Variants in TBC1D5 observed in about 807,000 individuals in gnomAD.
The protein encoded by TBC1D5 is TBC1 domain family, member 5.
Under a neutral mutation model 100.3 loss-of-function variants are expected in TBC1D5, and 75 were observed. The ratio of observed to expected loss-of-function variants is 0.75; its 90% CI spans 0.62 to 0.91. TBC1D5 has a LOEUF of 0.91. TBC1D5 is among the 40% of genes least tolerant of loss of function. The probability of loss-of-function intolerance (pLI) is 0.00; values close to 1 mark genes in which losing one functional copy is unlikely to be tolerated. For missense variants in TBC1D5, 910 were observed against 942.4 expected, an observed-to-expected ratio of 0.97 and a Z score of 0.45; for synonymous variants, 323 against 325.6, an observed-to-expected ratio of 0.99 and a Z score of 0.09.
chr3:17,542,530 A>G (rs1440326367), intron 2 of TBC1D5, among the ~76,000 whole-genome samples: 1 of 152,202 alleles, frequency 6.6e-6, no homozygotes, highest in Non-Finnish European at 1.5e-5. Context: ...TATCATATAT[A>G]ATATTTGCAT....
At chr3:17,500,704 C>A (rs575056851) in intron 3 of TBC1D5, among the ~76,000 whole-genome samples, 1 of 149,696 alleles carries the variant, frequency 6.7e-6, no homozygotes, top group East Asian at 1.9e-4. Flanking sequence ...TGACTTTCCC[C>A]TACTTTGATT....
At chr3:17,634,826 T>C (rs117086754) in intron 1 of TBC1D5, among the ~76,000 whole-genome samples, 2,499 of 152,222 alleles carry the variant, frequency 0.016, 48 homozygotes, top group South Asian at 0.047. Flanking sequence ...TATATCAAAA[T>C]ATCCCATGTA....
chr3:17,436,409 T>A (rs73161441), intron 3 of TBC1D5, among the ~76,000 whole-genome samples: 13,876 of 152,166 alleles, frequency 0.091, 1,428 homozygotes, highest in African/African-American at 0.26. Flanking sequence ...CTAGTAGAGG[T>A]ATAAAAGTAA....
At chr3:17,196,511 G>A (rs1003865448) in intron 18 of TBC1D5, among the ~76,000 whole-genome samples, 1 of 152,206 alleles carries the variant, frequency 6.6e-6, no homozygotes, top group Admixed American at 6.5e-5. Context: ...CTAATGATAA[G>A]GCTGAACAGG....
intron 3 of TBC1D5, among the ~76,000 whole-genome samples, chr3:17,461,008 C>G (rs1174933536): frequency 6.6e-6 from 1 of 152,082 alleles, no homozygotes; most frequent in Non-Finnish European, 1.5e-5. Flanking sequence ...TGTGGTTGAT[C>G]CACAGAACAG....
chr3:17,386,825 T>C (rs2093171992), intron 8 of TBC1D5, among the ~76,000 whole-genome samples: 1 of 152,164 alleles, frequency 6.6e-6, no homozygotes, highest in African/African-American at 2.4e-5. Context: ...AGTTTTTCTT[T>C]TAACACACTG....
intron 15 of TBC1D5, among the ~76,000 whole-genome samples, chr3:17,275,328 G>A (rs1333409961): frequency 2.0e-5 from 3 of 152,104 alleles, no homozygotes; most frequent in Non-Finnish European, 4.4e-5. Flanking sequence ...GATCTCTTGA[G>A]GTCAGTTTGA....
chr3:17,258,546 A>G, exon 16 of TBC1D5: 1 of 1,612,912 alleles, frequency 6.2e-7, no homozygotes, highest in Non-Finnish European at 8.5e-7. Context: ...GCTTTGTAAT[A>G]ATCTAAATTT....
chr3:17,531,615 T>C (rs1329061572), intron 2 of TBC1D5, among the ~76,000 whole-genome samples: 18 of 152,180 alleles, frequency 1.2e-4, no homozygotes, highest in Admixed American at 7.2e-4. Flanking sequence ...CAAAACAGCA[T>C]GGTACTGGTA....
At chr3:17,409,599 GT>G (rs1176299721) in intron 4 of TBC1D5, among the ~76,000 whole-genome samples, 2 of 151,984 alleles carry the variant, frequency 1.3e-5, no homozygotes, top group Non-Finnish European at 2.9e-5. Flanking sequence ...AAAAAAAAAA[GT>G]TCTTGAAGGA....
intron 2 of TBC1D5, among the ~76,000 whole-genome samples, chr3:17,563,845 T>C (rs567974059): frequency 9.8e-4 from 149 of 152,306 alleles, no homozygotes; most frequent in African/African-American, 3.0e-3. Flanking sequence ...TGCAGTGGCT[T>C]GATCTCAGCT....
At chr3:17,159,676 T>TGA (rs2065875628) in exon 22 of TBC1D5, 1 of 152,308 alleles carries the variant, frequency 6.6e-6, no homozygotes, top group Non-Finnish European at 1.5e-5. Context: ...CCTAAGGTGC[T>TGA]GACTGACAAG....
chr3:17,741,961 G>C (rs994185368), upstream of TBC1D5, among the ~76,000 whole-genome samples: 9 of 152,034 alleles, frequency 5.9e-5, no homozygotes, highest in African/African-American at 1.9e-4. Flanking sequence ...AAGGTTTGAG[G>C]ATTCAGGGCC....
intron 15 of TBC1D5, among the ~76,000 whole-genome samples, chr3:17,278,708 G>A (rs779587674): frequency 6.6e-6 from 1 of 152,166 alleles, no homozygotes; most frequent in Non-Finnish European, 1.5e-5. Context: ...CCTTGGTAAA[G>A]TATGGTATTC....
rs1347136427 is a variant in TBC1D5, at chr3:17,257,534, T to C, written c.1331+972A>G. 2.6e-5 allele frequency among the ~76,000 whole-genome samples: 4 copies of C among 152,184 alleles called. No homozygotes were observed. In the East Asian group the frequency reaches 5.8e-4, roughly 22 times the overall value. ...CTACAGAACTGGTCTCATAATTGCA[T>C]GGTACATCAATATATGGAGCAAACA... On this transcript the variant is annotated intron_variant, in intron 16 of 21. Coordinates refer to ENST00000253692, the Ensembl canonical transcript of TBC1D5.
At chr3:17,665,075 G>T (rs199733290) in intron 1 of TBC1D5, 1 of 111,416 alleles carries the variant, frequency 9.0e-6, no homozygotes, top group African/African-American at 3.5e-5. Context: ...AAAAAAAAAC[G>T]GTTAAGGCCA....
intron 4 of TBC1D5, among the ~76,000 whole-genome samples, chr3:17,409,788 G>GA (rs1284893326): frequency 3.9e-5 from 6 of 152,274 alleles, no homozygotes; most frequent in African/African-American, 1.4e-4. Flanking sequence ...TGAAAGCTGA[G>GA]AAAGGTGAGG....
rs2096748369 is a variant in TBC1D5, at chr3:17,588,751, TAA to T, written c.-36+35096_-36+35097del. ...ATGAAACCAATTTTCAATAAAATAC[TAA>T]AGTCTTAGGAGTTTTCATAAATACA... is the stretch of plus-strand genomic sequence containing the variant. On this transcript the variant is annotated intron_variant, in intron 2 of 21. Coordinates refer to ENST00000253692, the Ensembl canonical transcript of TBC1D5. Among the ~76,000 whole-genome samples the T allele has an allele frequency of 4.6e-5, 7 of 152,310 alleles. No homozygotes were observed. In the South Asian group the frequency reaches 1.5e-3, roughly 32 times the overall value.
intron 13 of TBC1D5, chr3:17,338,355 T>C (rs1013064153): frequency 1.3e-5 from 2 of 152,338 alleles, no homozygotes; most frequent in Non-Finnish European, 2.9e-5. Flanking sequence ...AAACTATGAC[T>C]ACTTATATAC....
Sources: allele counts gnomAD v4.1 joint callset (sites outside exome capture counted in the v4.1 genomes callset), GRCh38; gene constraint gnomAD v4.1.1; transcripts MANE v1.5; gene names NCBI Gene and HGNC (gene_info 2026-07-23, HGNC 2026-07-21).